The following OTUD7A variants were observed in gnomAD, a reference collection of about 807,000 sequenced individuals.
OTUD7A encodes OTU domain-containing protein 7A.
OTUD7A carries 12 observed loss-of-function variants against 65.7 expected under a neutral mutation model. The observed-to-expected ratio is 0.18, with a 90% CI of 0.12 to 0.30. The LOEUF is 0.30. OTUD7A is among the 10% of genes least tolerant of loss of function. The probability of loss-of-function intolerance (pLI) is 1.00; values close to 1 mark genes in which losing one functional copy is unlikely to be tolerated. For synonymous variants in OTUD7A, 641 were observed against 586.3 expected, an observed-to-expected ratio of 1.09 and a Z score of -1.35; for missense variants, 1,148 against 1,304.8, an observed-to-expected ratio of 0.88 and a Z score of 1.85.
rs1306083070 is a variant in OTUD7A at position 31,725,828 on chromosome 15, G to A, written c.-99-68751C>T. Among the ~76,000 whole-genome samples the A allele has an allele frequency of 7.9e-5, 12 of 152,294 alleles. No homozygotes were observed. In the East Asian group the frequency reaches 2.1e-3, roughly 27 times the overall value. On this transcript the variant is annotated intron_variant, in intron 1 of 12. Transcript: ENST00000307050. ...ACCTCCTGATGGCAGCGCTCCATCA[G>A]CCTGGAGGAGAATGGCATGTAGCAA...
At chr15:31,848,451 TA>T (rs1364483768) in intron 1 of OTUD7A, among the ~76,000 whole-genome samples, 6 of 150,908 alleles carry the variant, frequency 4.0e-5, no homozygotes, top group Admixed American at 6.6e-5. Flanking sequence ...TTTTTATTTT[TA>T]AAAAAAAACA....
intron 1 of OTUD7A, among the ~76,000 whole-genome samples, chr15:31,750,083 T>C (rs750053428): frequency 2.0e-5 from 3 of 152,176 alleles, no homozygotes; most frequent in Non-Finnish European, 4.4e-5. Flanking sequence ...GGAAATGCAT[T>C]CCATGCTCAT....
chr15:31,777,569 C>T (rs545231448), intron 1 of OTUD7A, among the ~76,000 whole-genome samples: 9 of 152,216 alleles, frequency 5.9e-5, no homozygotes, highest in Admixed American at 2.6e-4. Flanking sequence ...AGCTGGGCTG[C>T]GGGCACCAGC....
chr15:31,536,927 T>C (rs1485044850), intron 5 of OTUD7A, among the ~76,000 whole-genome samples: 1 of 152,150 alleles, frequency 6.6e-6, no homozygotes, highest in Non-Finnish European at 1.5e-5. Flanking sequence ...GATAGCAGAA[T>C]AGGGTGATTC....
chr15:31,532,827 G>A (rs879319911), intron 5 of OTUD7A, among the ~76,000 whole-genome samples: 22 of 151,732 alleles, frequency 1.4e-4, no homozygotes, highest in Admixed American at 2.0e-4. Context: ...CCAGCTACTC[G>A]GGGGGCTGAG....
At chr15:31,804,137 G>A (rs893254986) in intron 1 of OTUD7A, among the ~76,000 whole-genome samples, 8 of 152,122 alleles carry the variant, frequency 5.3e-5, no homozygotes, top group African/African-American at 1.9e-4. Context: ...TAACTCTTCA[G>A]GATGGCTTCC....
At position 31,483,401 on chromosome 15, in the gene OTUD7A, G is replaced by A. The variant is rs1431969377; in HGVS notation, c.2695C>T (p.Arg899Cys). The A allele has an allele frequency of 1.5e-6, 2 of 1,348,632 alleles. No homozygotes were observed. The highest frequency in any genetic ancestry group is 3.5e-5 in the Admixed American group (1 of 28,814). 83.5% of individuals were successfully genotyped at this position (1,348,632 alleles called of 1,614,324 possible). Residue 899 changes from arginine to cysteine, a missense_variant, in exon 13 of 13, where the codon CGC (arginine) becomes TGC (cysteine). Arg to Cys is a radical substitution (Grantham distance 180). This residue lies in a region of OTUD7A where 842 missense variants were observed against 769.5 expected (regional missense o/e 1.09). Transcript: ENST00000307050. Reference protein sequence around the residue: ...GPGPVQRRCQRENCAFYGRAE... With the variant: ...GPGPVQRRCQCENCAFYGRAE... The stretch of plus-strand genomic sequence containing the variant: ...CGCCCGTAGAACGCACAGTTCTCGC[G>A]CTGGCAGCGCCGCTGCACCGGCCCC...
chr15:31,606,530 G>A (rs1455782577), intron 3 of OTUD7A, among the ~76,000 whole-genome samples: 2 of 152,274 alleles, frequency 1.3e-5, no homozygotes, highest in Middle Eastern at 3.4e-3. Flanking sequence ...CAGATCATCT[G>A]TGTTCATGAC....
rs146270569 is a variant in OTUD7A at position 31,828,267 on chromosome 15, A to T, written c.-100+42240T>A. On this transcript the variant is annotated intron_variant, in intron 1 of 12. Transcript: ENST00000307050. ...ACTGAATCATTCAATTCTTCCTCAGACATTTGCTTATGTCTTTTTTTTTAC... is the reference window on the plus strand; with the variant it reads ...ACTGAATCATTCAATTCTTCCTCAGTCATTTGCTTATGTCTTTTTTTTTAC... 1.1e-4 allele frequency among the ~76,000 whole-genome samples: 17 copies of T among 151,856 alleles called. No homozygotes were observed. In the East Asian group the frequency reaches 3.1e-3, roughly 28 times the overall value.
chr15:31,513,201 T>C lies in OTUD7A; in HGVS notation c.894-9383A>G, dbSNP rs114477264. On this transcript the variant is annotated intron_variant, in intron 8 of 12. Transcript: ENST00000307050. ...AACCTTATTTTAACAGTTCAAAAAATTGGCAGCAATCGAAACCTCACAAAA... is the reference window on the plus strand; with the variant it reads ...AACCTTATTTTAACAGTTCAAAAAACTGGCAGCAATCGAAACCTCACAAAA... Among the ~76,000 whole-genome samples the C allele has an allele frequency of 2.8e-3, 433 of 152,332 alleles. 3 individuals are homozygous for C. Among genetic ancestry groups the C allele is most frequent in the African/African-American group, 0.01 (422 of 41,564 alleles).
chr15:31,570,108 C>T lies in OTUD7A; in HGVS notation c.241G>A (p.Gly81Arg), dbSNP rs1192644079. The stretch of plus-strand genomic sequence containing the variant: ...CGCTCTGGCTGCTTGGGACCCCGCC[C>T]TTCATTGAACACATGTGGCAGATTG... ...TANLPHVFNE[G>R]RGPKQPEREP... is the part of the protein sequence containing the mutation. The change falls in exon 4 of 13, where the codon GGG (glycine) becomes AGG (arginine). Residue 81 changes from glycine to arginine, a missense_variant. Transcript: ENST00000307050. 3.1e-6 allele frequency: 5 copies of T among 1,614,202 alleles called. No individual in the cohort carries two copies. The highest frequency in any genetic ancestry group is 2.2e-5 in the East Asian group (1 of 44,884).
chr15:31,795,851 T>C (rs894344030), intron 1 of OTUD7A, among the ~76,000 whole-genome samples: 9 of 152,134 alleles, frequency 5.9e-5, no homozygotes, highest in African/African-American at 2.2e-4. Flanking sequence ...TGTATCCCTG[T>C]AGGGCAAAGA....
At chr15:31,869,280 C>T (rs1459191028) in intron 1 of OTUD7A, among the ~76,000 whole-genome samples, 2 of 152,172 alleles carry the variant, frequency 1.3e-5, no homozygotes, top group African/African-American at 4.8e-5. Flanking sequence ...TGGTGGGACA[C>T]ACGGCTGCTG....
intron 1 of OTUD7A, among the ~76,000 whole-genome samples, chr15:31,796,722 GA>G (rs148650683): frequency 0.065 from 9,970 of 152,226 alleles, 365 homozygotes; most frequent in Middle Eastern, 0.082. Context: ...CTTATATTTA[GA>G]CAGAGCTTTC....
chr15:31,479,001 C>G lies in OTUD7A; in HGVS notation c.*4293G>C, dbSNP rs2041069705. ...AGGGTGGACTTGAATTAAACAAGAA[C>G]AAAGCTGAGCGCTGGTCACTGCCCC... On this transcript the variant is annotated 3_prime_UTR_variant, in exon 13 of 13. Transcript: ENST00000307050. The G allele has an allele frequency of 6.6e-6, 1 of 152,294 alleles. No homozygotes were observed. Among genetic ancestry groups the G allele is most frequent in the African/African-American group, 2.4e-5 (1 of 41,452 alleles). The allele number at this position is 152,294 out of a possible 1,614,324, so 9.4% of individuals were successfully genotyped here. A position where few individuals can be genotyped will look rare whatever the true frequency, so the allele number is the denominator to read the frequency against.
rs560345583 is a variant in OTUD7A at position 31,524,250 on chromosome 15, T to G, written c.893+2099A>C. Among the ~76,000 whole-genome samples, 25 of 152,312 alleles carry G rather than the reference T, an allele frequency of 1.6e-4. 2 individuals are homozygous for G. Among genetic ancestry groups the G allele is most frequent in the African/African-American group, 6.0e-4 (25 of 41,570 alleles). On this transcript the variant is annotated intron_variant, in intron 8 of 12. Coordinates refer to ENST00000307050, the MANE Select transcript of OTUD7A (RefSeq NM_001382637.1). Reference sequence around the variant, plus strand: ...TTCTGACCTGAGCATCAGTGGCATCTGTGGGGACCAGGTGGCTGTGTCCTT... The same window carrying G: ...TTCTGACCTGAGCATCAGTGGCATCGGTGGGGACCAGGTGGCTGTGTCCTT...
At chr15:31,539,989 C>T (rs1357440210) in intron 5 of OTUD7A, among the ~76,000 whole-genome samples, 7 of 152,044 alleles carry the variant, frequency 4.6e-5, no homozygotes, top group South Asian at 4.1e-4. Context: ...TCATTTGTCT[C>T]GATTAAGTTT....
chr15:31,568,659 A>C (rs572531019), intron 4 of OTUD7A, among the ~76,000 whole-genome samples: 1 of 152,368 alleles, frequency 6.6e-6, no homozygotes, highest in African/African-American at 2.4e-5. Flanking sequence ...ATTGAAATGC[A>C]ATCCGCCATC....
At chr15:31,595,385 G>A (rs1889872580) in intron 3 of OTUD7A, among the ~76,000 whole-genome samples, 1 of 152,222 alleles carries the variant, frequency 6.6e-6, no homozygotes, top group South Asian at 2.1e-4. Context: ...ACACGTTGCT[G>A]CAAATGACAG....
Sources: allele counts gnomAD v4.1 joint callset (sites outside exome capture counted in the v4.1 genomes callset), GRCh38; gene constraint gnomAD v4.1.1; regional missense constraint gnomAD v4.1.1; transcripts MANE v1.5; gene names NCBI Gene and HGNC (gene_info 2026-07-23, HGNC 2026-07-21).